Variants in E2F3 observed in about 807,000 individuals in gnomAD.
The protein encoded by E2F3 is E2F transcription factor 3.
In E2F3, 11 loss-of-function variants were observed where a neutral mutation model predicts 44.4. The observed-to-expected ratio is 0.25, with a 90% confidence interval of 0.16 to 0.41. The LOEUF (loss-of-function observed/expected upper bound fraction) is 0.41, where lower values mean the gene tolerates loss of function less well. E2F3 is among the 10% of genes least tolerant of loss of function. E2F3 has a pLI of 1.00. For missense variants in E2F3, 487 were observed against 583.6 expected, an observed-to-expected ratio of 0.83 and a Z score of 1.70; for synonymous variants, 249 against 253.0, an observed-to-expected ratio of 0.98 and a Z score of 0.15.
At chr6:20,454,975 G>A (rs936506279) in intron 1 of E2F3, among the ~76,000 whole-genome samples, 2 of 152,172 alleles carry the variant, frequency 1.3e-5, no homozygotes, top group Non-Finnish European at 2.9e-5. Flanking sequence ...GTGGAACCCA[G>A]GGATCAGGAT....
At chr6:20,463,303 C>T (rs1761587639) in intron 1 of E2F3, among the ~76,000 whole-genome samples, 1 of 152,094 alleles carries the variant, frequency 6.6e-6, no homozygotes, top group African/African-American at 2.4e-5. Flanking sequence ...AATCCCAGTG[C>T]TTTGGGAGGC....
intron 1 of E2F3, among the ~76,000 whole-genome samples, chr6:20,447,045 T>C (rs953818515): frequency 6.6e-6 from 1 of 152,216 alleles, no homozygotes; most frequent in Non-Finnish European, 1.5e-5. Flanking sequence ...TTTAATTGTC[T>C]TTCTTGGATA....
At chr6:20,417,979 T>C (rs1489385144) in intron 1 of E2F3, among the ~76,000 whole-genome samples, 1 of 152,180 alleles carries the variant, frequency 6.6e-6, no homozygotes, top group Non-Finnish European at 1.5e-5. Flanking sequence ...GGTTCTATTA[T>C]AGAGGCTGGG....
intron 1 of E2F3, among the ~76,000 whole-genome samples, chr6:20,437,122 A>G (rs1760612977): frequency 6.6e-6 from 1 of 152,194 alleles, no homozygotes; most frequent in South Asian, 2.1e-4. Flanking sequence ...AGTAAGACTC[A>G]GTCTCTTAAA....
intron 1 of E2F3, among the ~76,000 whole-genome samples, chr6:20,411,782 C>T (rs954479178): frequency 3.3e-5 from 5 of 152,308 alleles, no homozygotes; most frequent in Admixed American, 1.3e-4. Flanking sequence ...GGGCTTGGGC[C>T]TCTCCCTTCC....
chr6:20,446,544 A>G (rs937782507), intron 1 of E2F3, among the ~76,000 whole-genome samples: 1 of 152,138 alleles, frequency 6.6e-6, no homozygotes, highest in East Asian at 1.9e-4. Flanking sequence ...GGAAAGTGAA[A>G]TTTGCAATTC....
chr6:20,483,577 T>C (rs1762300509), intron 4 of E2F3, among the ~76,000 whole-genome samples: 1 of 152,094 alleles, frequency 6.6e-6, no homozygotes, highest in Non-Finnish European at 1.5e-5. Flanking sequence ...TCCTCGCAAA[T>C]AAAAATACAA....
intron 4 of E2F3, among the ~76,000 whole-genome samples, chr6:20,485,320 G>C (rs1320490755): frequency 6.6e-6 from 1 of 152,184 alleles, no homozygotes; most frequent in Non-Finnish European, 1.5e-5. Flanking sequence ...GCTCACACCT[G>C]TAATCCCAGC....
intron 1 of E2F3, among the ~76,000 whole-genome samples, chr6:20,422,097 G>C (rs963121963): frequency 6.6e-6 from 1 of 152,220 alleles, no homozygotes; most frequent in Non-Finnish European, 1.5e-5. Context: ...CTACATTGAA[G>C]ATCTGTTGTT....
chr6:20,457,368 T>TA (rs1554138863), intron 1 of E2F3, among the ~76,000 whole-genome samples: 68 of 148,738 alleles, frequency 4.6e-4, no homozygotes, highest in Non-Finnish European at 8.3e-4. Context: ...TTTTTTTTTT[T>TA]AGTAGAGATG....
chr6:20,485,303 C>T (rs1268107919), intron 4 of E2F3, among the ~76,000 whole-genome samples: 2 of 152,148 alleles, frequency 1.3e-5, no homozygotes, highest in Non-Finnish European at 2.9e-5. Flanking sequence ...CAAGGCCGGG[C>T]GCCGTGGCTC....
chr6:20,437,722 G>T (rs1341227329), intron 1 of E2F3: 1 of 152,172 alleles, frequency 6.6e-6, no homozygotes, highest in African/African-American at 2.4e-5. Flanking sequence ...GAGTTCACGG[G>T]AACGGGAGAA....
chr6:20,428,202 C>T (rs1760278302), intron 1 of E2F3, among the ~76,000 whole-genome samples: 1 of 151,988 alleles, frequency 6.6e-6, no homozygotes, highest in South Asian at 2.1e-4. Flanking sequence ...TTTTCTAGAC[C>T]CAAACTTCCT....
chr6:20,458,275 G>A (rs1269230308), intron 1 of E2F3, among the ~76,000 whole-genome samples: 3 of 152,168 alleles, frequency 2.0e-5, no homozygotes, highest in Non-Finnish European at 2.9e-5. Flanking sequence ...AAAGAATCGC[G>A]TGTGCTTTTT....
rs1211292420 is a variant in E2F3, at chr6:20,492,952, TAA to T, written c.*2525_*2526del. On this transcript the variant is annotated 3_prime_UTR_variant, in exon 7 of 7. Coordinates refer to ENST00000346618, the MANE Select transcript of E2F3 (RefSeq NM_001949.5). ...TATTAAAGCTCACACACGAAATGGC[TAA>T]AAGTTACAAGTGTGCAAATTATGAC... 1 of 216,094 alleles carries T rather than the reference TAA, an allele frequency of 4.6e-6. No homozygotes were observed. The highest frequency in any genetic ancestry group is 2.3e-5 in the African/African-American group (1 of 44,396). 13.4% of individuals were successfully genotyped at this position (216,094 alleles called of 1,614,324 possible). A position where few individuals can be genotyped will look rare whatever the true frequency, so the allele number is the denominator to read the frequency against.
chr6:20,458,695 C>T (rs908629991), intron 1 of E2F3, among the ~76,000 whole-genome samples: 1 of 152,180 alleles, frequency 6.6e-6, no homozygotes, highest in Non-Finnish European at 1.5e-5. Context: ...CAGTAAAACT[C>T]TGGTGTGACA....
rs185790873 is a variant in E2F3, at chr6:20,419,831, G to C, written c.393+17206G>C. 3.3e-3 allele frequency among the ~76,000 whole-genome samples: 500 copies of C among 151,460 alleles called. 1 individual carries two copies. Among genetic ancestry groups the C allele is most frequent in the Non-Finnish European group, 4.6e-3 (309 of 67,880 alleles). ...TCTGCCCGCCTCAGCCTCCCAAAGTGCTGGGATTACAGGCGCAAGCTACTG... is the reference window on the plus strand; with the variant it reads ...TCTGCCCGCCTCAGCCTCCCAAAGTCCTGGGATTACAGGCGCAAGCTACTG... On this transcript the variant is annotated intron_variant, in intron 1 of 6. Coordinates refer to ENST00000346618, the MANE Select transcript of E2F3 (RefSeq NM_001949.5).
intron 1 of E2F3, among the ~76,000 whole-genome samples, chr6:20,461,542 C>A (rs534516255): frequency 6.6e-6 from 1 of 152,192 alleles, no homozygotes; most frequent in South Asian, 2.1e-4. Context: ...CACTACATTT[C>A]CCTTCATTTC....
intron 1 of E2F3, among the ~76,000 whole-genome samples, chr6:20,435,367 A>G (rs930898508): frequency 1.3e-5 from 2 of 152,238 alleles, no homozygotes; most frequent in Admixed American, 1.3e-4. Flanking sequence ...TTTGCTAGTG[A>G]GACCAGAACA....
Sources: allele counts gnomAD v4.1 joint callset (sites outside exome capture counted in the v4.1 genomes callset), GRCh38; gene constraint gnomAD v4.1.1; transcripts MANE v1.5; gene names NCBI Gene and HGNC (gene_info 2026-07-23, HGNC 2026-07-21).